DNAH10: variants seen among roughly 807,000 people sequenced by gnomAD.
DNAH10 encodes dynein axonemal heavy chain 10, also known as axonemal beta dynein heavy chain 10.
In DNAH10, 348 loss-of-function variants were observed where a neutral mutation model predicts 506.6. That is an observed-to-expected ratio of 0.69 (90% CI 0.63 to 0.75). The LOEUF (loss-of-function observed/expected upper bound fraction) is 0.75. Ranked by LOEUF, DNAH10 falls within the 30% of genes least tolerant of loss-of-function variation. The probability of loss-of-function intolerance (pLI) is 0.00; values close to 1 mark genes in which losing one functional copy is unlikely to be tolerated. For synonymous variants in DNAH10, 2,059 were observed against 2,198.6 expected (o/e 0.94, Z 1.78); for missense variants, 5,179 against 5,787.1 (o/e 0.89, Z 3.41).
rs1342873412 is a variant in DNAH10, at chr12:123,893,277, C to T, written c.9040C>T (p.Leu3014=). 1 of 1,613,930 alleles carries T rather than the reference C, an allele frequency of 6.2e-7. No individual in the cohort carries two copies. The highest frequency in any genetic ancestry group is 1.3e-5 in the African/African-American group (1 of 74,944). The change falls in exon 53 of 79, where the codon CTG becomes TTG. Residue 3014 remains leucine (L), a synonymous_variant. Transcript: ENST00000673944. ...LFSEEEKESI[L]SQIGQEALKQ... ...TTCTGAAGAGGAGAAAGAGTCTATC[C>T]TGAGTCAGATTGGACAGGAAGCTCT... is the stretch of plus-strand genomic sequence containing the variant.
Position 123,925,208 on chromosome 12 carries a change from AGT to A in DNAH10, c.11921+9_11921+10del, listed in dbSNP as rs762594685. On this transcript the variant is annotated splice_donor_5th_base_variant and intron_variant, in intron 68 of 78. Coordinates refer to ENST00000673944, the MANE Select transcript of DNAH10 (RefSeq NM_001372106.1). The surrounding 1 kb of genome is among the most constrained non-coding windows in gnomAD (Gnocchi z 4.0). ...TGACTGTAACAATGGGAGAGAAGTAAGTGTGTCGTTTTGTTGATTTGCCACTT... is the reference window on the plus strand; with the variant it reads ...TGACTGTAACAATGGGAGAGAAGTAAGTGTCGTTTTGTTGATTTGCCACTT... The A allele has an allele frequency of 6.2e-7, 1 of 1,613,696 alleles. No individual in the cohort carries two copies. The highest frequency in any genetic ancestry group is 8.5e-7 in the Non-Finnish European group (1 of 1,179,780).
chr12:123,901,941 G>A (rs182161495), intron 56 of DNAH10, among the ~76,000 whole-genome samples: 1 of 152,314 alleles, frequency 6.6e-6, no homozygotes, highest in East Asian at 1.9e-4. Context: ...GATTACAGGT[G>A]TGAGCCACCA....
At chr12:123,832,383 A>C (rs989988405) in intron 26 of DNAH10, among the ~76,000 whole-genome samples, 5 of 152,242 alleles carry the variant, frequency 3.3e-5, no homozygotes, top group African/African-American at 4.8e-5. Context: ...CCCAATATAC[A>C]CAGGTACACA....
At position 123,774,371 on chromosome 12, in the gene DNAH10, T is replaced by G. The variant is rs1957362970; in HGVS notation, c.621+107T>G. 3 of 842,004 alleles carry G rather than the reference T, an allele frequency of 3.6e-6. No individual in the cohort carries two copies. In the South Asian group the frequency reaches 5.3e-5, roughly 15 times the overall value. 52.2% of individuals were successfully genotyped at this position (842,004 alleles called of 1,614,324 possible). ...GCAGCTCTTCTGTCTCAGGTGCTGT[T>G]ATGGGCACTGAGGTGCTGAGACCAG... On this transcript the variant is annotated intron_variant, in intron 5 of 78. Coordinates refer to ENST00000673944, the MANE Select transcript of DNAH10 (RefSeq NM_001372106.1).
chr12:123,847,150 CCATCCATCCATCCA>C (rs1241462294), intron 32 of DNAH10, among the ~76,000 whole-genome samples: 13 of 124,220 alleles, frequency 1.0e-4, no homozygotes, highest in African/African-American at 5.7e-4. Flanking sequence ...ACATATCCAT[CCATCCATCCATCCA>C]TCCATCCATC....
At chr12:123,898,225 T>C (rs1953343854) in intron 55 of DNAH10, among the ~76,000 whole-genome samples, 2 of 152,224 alleles carry the variant, frequency 1.3e-5, no homozygotes, top group Admixed American at 1.3e-4. Flanking sequence ...ATTTTATTTT[T>C]TATCTTAGGG....
intron 51 of DNAH10, among the ~76,000 whole-genome samples, chr12:123,884,548 T>C (rs1391481321): frequency 6.6e-6 from 1 of 152,212 alleles, no homozygotes; most frequent in Non-Finnish European, 1.5e-5. Context: ...CTTACATGGA[T>C]GGATGACAGC....
At position 123,925,232 on chromosome 12, in the gene DNAH10, A is replaced by G; in HGVS notation, c.11921+28A>G. On this transcript the variant is annotated intron_variant, in intron 68 of 78. Coordinates refer to ENST00000673944, the MANE Select transcript of DNAH10 (RefSeq NM_001372106.1). The surrounding 1 kb of genome is among the most constrained non-coding windows in gnomAD (Gnocchi z 4.0). ...AAGTGTGTCGTTTTGTTGATTTGCC[A>G]CTTTCCGTGGGGTGGAATCTCTAGC... 6.2e-7 allele frequency: 1 copy of G among 1,613,110 alleles called. No homozygotes were observed. Among genetic ancestry groups the G allele is most frequent in the African/African-American group, 1.3e-5 (1 of 75,028 alleles).
At position 123,916,776 on chromosome 12, in the gene DNAH10, T is replaced by C. The variant is rs1459782963; in HGVS notation, c.11002+40T>C. ...AACCTCCACTGCTAATTCAGATGGTTATGAGGGAGACCGCAACCTCAGATC... is the reference window on the plus strand; with the variant it reads ...AACCTCCACTGCTAATTCAGATGGTCATGAGGGAGACCGCAACCTCAGATC... On this transcript the variant is annotated intron_variant, in intron 63 of 78. Coordinates refer to ENST00000673944, the MANE Select transcript of DNAH10 (RefSeq NM_001372106.1). The surrounding 1 kb of genome is among the most constrained non-coding windows in gnomAD (Gnocchi z 4.6). 5 of 1,560,872 alleles carry C rather than the reference T, an allele frequency of 3.2e-6. No homozygotes were observed. The highest frequency in any genetic ancestry group is 3.5e-6 in the Non-Finnish European group (4 of 1,156,614).
chr12:123,933,905 CTT>C (rs368661478), intron 77 of DNAH10, among the ~76,000 whole-genome samples: 4 of 152,220 alleles, frequency 2.6e-5, no homozygotes, highest in African/African-American at 9.6e-5. Flanking sequence ...GGTTGGAACT[CTT>C]TGATTATGCC....
Position 123,820,578 on chromosome 12 carries a change from A to AG in DNAH10, c.4001dup, listed in dbSNP as rs1235575672. The AG allele has an allele frequency of 6.2e-7, 1 of 1,612,480 alleles. No homozygotes were observed. Among genetic ancestry groups the AG allele is most frequent in the Non-Finnish European group, 8.5e-7 (1 of 1,179,346 alleles). On this transcript the variant is annotated splice_acceptor_variant, in intron 23 of 78. Transcript: ENST00000673944. LOFTEE classifies it high-confidence loss of function. ...TCACTCATCGGTGTATTTATTTACT[A>AG]GGAGTAGAGCTTTTAGGTGTTTATG...
At chr12:123,769,978 C>T (rs972446962) in intron 2 of DNAH10, among the ~76,000 whole-genome samples, 1 of 148,750 alleles carries the variant, frequency 6.7e-6, no homozygotes, top group Admixed American at 6.8e-5. Context: ...TGGTGGCTCA[C>T]GCCTATAATC....
chr12:123,860,335 C>T (rs1009149256), intron 38 of DNAH10, among the ~76,000 whole-genome samples: 1 of 152,094 alleles, frequency 6.6e-6, no homozygotes, highest in Non-Finnish European at 1.5e-5. Flanking sequence ...TGGGCTGTGC[C>T]GTGGCCATCT....
chr12:123,885,854 T>C (rs189131441), intron 51 of DNAH10, among the ~76,000 whole-genome samples: 1 of 152,358 alleles, frequency 6.6e-6, no homozygotes, highest in African/African-American at 2.4e-5. Flanking sequence ...AATATCCTTT[T>C]ATACATTTTT....
intron 54 of DNAH10, among the ~76,000 whole-genome samples, chr12:123,896,148 C>CACACACATAGAGAG (rs1383690518): frequency 1.4e-4 from 13 of 95,272 alleles, no homozygotes; most frequent in Admixed American, 3.2e-4. Context: ...CACACACACA[C>CACACACATAGAGAG]AGAGAGAGAG....
intron 51 of DNAH10, among the ~76,000 whole-genome samples, chr12:123,884,394 C>CGATA (rs1235371929): frequency 6.6e-6 from 1 of 152,116 alleles, no homozygotes; most frequent in African/African-American, 2.4e-5. Context: ...TAACAAAGTG[C>CGATA]GATAGACTGG....
At position 123,772,860 on chromosome 12, in the gene DNAH10, G is replaced by A. The variant is rs1957305589; in HGVS notation, c.423G>A (p.Lys141=). 6.2e-7 allele frequency: 1 copy of A among 1,607,476 alleles called. No individual in the cohort carries two copies. The highest frequency in any genetic ancestry group is 1.3e-5 in the African/African-American group (1 of 74,646). The part of the protein sequence containing the change: ...SKRTAKHIME[K]MHLHMLCTPL... ...GAACTGCGAAGCACATCATGGAAAA[G>A]ATGCATCTCCACATGCTCTGTACCC... The change falls in exon 4 of 79, where the codon AAG becomes AAA. Residue 141 remains lysine (K), a synonymous_variant. Coordinates refer to ENST00000673944, the MANE Select transcript of DNAH10 (RefSeq NM_001372106.1).
chr12:123,838,628 A>T lies in DNAH10; in HGVS notation c.5075A>T (p.Asp1692Val). 1 of 1,613,998 alleles carries T rather than the reference A, an allele frequency of 6.2e-7. No individual in the cohort carries two copies. Among genetic ancestry groups the T allele is most frequent in the Non-Finnish European group, 8.5e-7 (1 of 1,179,884 alleles). Reference sequence around the variant, plus strand: ...CCAAGGTTCTTCTTCATTTCTGACGATGAGTTGCTTAGCATTCTGGGGAGC... The same window carrying T: ...CCAAGGTTCTTCTTCATTTCTGACGTTGAGTTGCTTAGCATTCTGGGGAGC... ...AFPRFFFISD[D>V]ELLSILGSSD... The change falls in exon 29 of 79, where the codon GAT (aspartate) becomes GTT (valine). Residue 1692 changes from aspartate to valine, a missense_variant. Physicochemically the swap from Asp to Val is radical, Grantham distance 152. This residue lies in a region of DNAH10 where 4,844 missense variants were observed against 5,430.5 expected (regional missense o/e 0.89). Coordinates refer to ENST00000673944, the MANE Select transcript of DNAH10 (RefSeq NM_001372106.1).
chr12:123,844,520 T>A lies in DNAH10; in HGVS notation c.5361-1080T>A, dbSNP rs117126081. ...CCCACGACTCAGCAGGATCTGTACATTAAGGGAGGATGAGATGTTTTGTTT... is the reference window on the plus strand; with the variant it reads ...CCCACGACTCAGCAGGATCTGTACAATAAGGGAGGATGAGATGTTTTGTTT... On this transcript the variant is annotated intron_variant, in intron 30 of 78. Transcript: ENST00000673944. 1.7e-3 allele frequency among the ~76,000 whole-genome samples: 254 copies of A among 152,246 alleles called. 2 individuals are homozygous for A. The highest frequency in any genetic ancestry group is 3.4e-3 in the Middle Eastern group (1 of 294).
Sources: allele counts gnomAD v4.1 joint callset (sites outside exome capture counted in the v4.1 genomes callset), GRCh38; gene constraint gnomAD v4.1.1; regional missense constraint gnomAD v4.1.1; non-coding constraint Gnocchi (gnomAD v3.1); transcripts MANE v1.5; gene names NCBI Gene and HGNC (gene_info 2026-07-23, HGNC 2026-07-21).